OXR1: variants seen among roughly 807,000 people sequenced by gnomAD.
OXR1 encodes oxidation resistance 1, also known as oxidation resistance protein 1.
OXR1 carries 41 observed loss-of-function variants against 104.6 expected under a neutral mutation model. The ratio of observed to expected loss-of-function variants is 0.39; its 90% CI spans 0.31 to 0.51. The LOEUF (loss-of-function observed/expected upper bound fraction) is 0.51, where lower values mean the gene tolerates loss of function less well. OXR1 is among the 20% of genes least tolerant of loss of function. OXR1 has a pLI of 0.77. For missense variants in OXR1, 955 were observed against 1,031.9 expected, an observed-to-expected ratio of 0.93 and a Z score of 1.02; for synonymous variants, 348 against 348.4, an observed-to-expected ratio of 1.00 and a Z score of 0.01.
chr8:106,624,511 A>T (rs1346050671), intron 3 of OXR1, among the ~76,000 whole-genome samples: 1 of 152,156 alleles, frequency 6.6e-6, no homozygotes, highest in Non-Finnish European at 1.5e-5. Context: ...GCTTTGTTCA[A>T]GGAACAGAAC....
chr8:106,334,364 G>C (rs979995870), intron 1 of OXR1, among the ~76,000 whole-genome samples: 2 of 152,062 alleles, frequency 1.3e-5, no homozygotes, highest in Non-Finnish European at 2.9e-5. Flanking sequence ...TTCTTTGTGT[G>C]TGGAATCCTT....
At chr8:106,525,853 C>T (rs778622544) in intron 3 of OXR1, among the ~76,000 whole-genome samples, 6 of 152,220 alleles carry the variant, frequency 3.9e-5, no homozygotes, top group Non-Finnish European at 8.8e-5. Context: ...CTCACTGTAA[C>T]ACCTTCTTGT....
At chr8:106,326,309 G>A (rs893907767) in intron 1 of OXR1, among the ~76,000 whole-genome samples, 1 of 152,160 alleles carries the variant, frequency 6.6e-6, no homozygotes, top group African/African-American at 2.4e-5. Flanking sequence ...GGATACTCTG[G>A]TTAGGTAAAT....
At chr8:106,321,658 A>C (rs901016593) in intron 1 of OXR1, among the ~76,000 whole-genome samples, 1 of 152,214 alleles carries the variant, frequency 6.6e-6, no homozygotes, top group Non-Finnish European at 1.5e-5. Context: ...CTTCCCCACC[A>C]ACTAAAGGCA....
At chr8:106,651,201 G>T (rs1824541181) in intron 3 of OXR1, among the ~76,000 whole-genome samples, 1 of 152,104 alleles carries the variant, frequency 6.6e-6, no homozygotes, top group African/African-American at 2.4e-5. Context: ...TAGCAAAATG[G>T]CTTGAAACTT....
At chr8:106,332,039 TGTGA>T (rs1328597305) in intron 1 of OXR1, among the ~76,000 whole-genome samples, 1 of 148,808 alleles carries the variant, frequency 6.7e-6, no homozygotes, top group Non-Finnish European at 1.5e-5. Flanking sequence ...TGTGTGTGTG[TGTGA>T]ATGCCCTTCT....
At position 106,596,595 on chromosome 8, in the gene OXR1, G is replaced by A. The variant is rs115309041; in HGVS notation, c.220+77456G>A. On this transcript the variant is annotated intron_variant, in intron 3 of 16. Coordinates refer to ENST00000517566, the MANE Select transcript of OXR1 (RefSeq NM_001198533.2). ...CAGGTTAAGAGGGATCAAAAATAGA[G>A]GGTGTACACATTGTATTTTTAGAGA... Among the ~76,000 whole-genome samples, 447 of 152,298 alleles carry A rather than the reference G, an allele frequency of 2.9e-3. 5 individuals carry two copies. The highest frequency in any genetic ancestry group is 0.01 in the African/African-American group (434 of 41,572).
At chr8:106,669,087 C>A (rs947779853) in intron 3 of OXR1, among the ~76,000 whole-genome samples, 1 of 151,604 alleles carries the variant, frequency 6.6e-6, no homozygotes, top group Non-Finnish European at 1.5e-5. Context: ...GGAAAAGGGG[C>A]AGTAAAAAGG....
At chr8:106,588,494 CT>C (rs55837142) in intron 3 of OXR1, among the ~76,000 whole-genome samples, 164 of 144,964 alleles carry the variant, frequency 1.1e-3, no homozygotes, top group African/African-American at 1.4e-3. Flanking sequence ...TTCTCATTTA[CT>C]TTTTTTTTTT....
At chr8:106,396,165 C>G (rs1018278620) in intron 2 of OXR1, among the ~76,000 whole-genome samples, 1 of 152,002 alleles carries the variant, frequency 6.6e-6, no homozygotes, top group Non-Finnish European at 1.5e-5. Flanking sequence ...ATTCCAAATA[C>G]TATATGTAGA....
In OXR1 at chr8:106,595,587, C is replaced by T. The variant is rs1317166496; in HGVS notation, c.220+76448C>T. 1.8e-4 allele frequency among the ~76,000 whole-genome samples: 26 copies of T among 145,386 alleles called. No individual in the cohort carries two copies. In the East Asian group the frequency reaches 2.2e-3, roughly 12 times the overall value. On this transcript the variant is annotated intron_variant, in intron 3 of 16. Coordinates refer to ENST00000517566, the MANE Select transcript of OXR1 (RefSeq NM_001198533.2). ...AAAAAAAAAGAAAAGAAAAAGAAAA[C>T]GAAAGAGTGCTAGAACTGTAACTCA...
chr8:106,281,990 A>G (rs886341900), intron 1 of OXR1, among the ~76,000 whole-genome samples: 1 of 152,118 alleles, frequency 6.6e-6, no homozygotes, highest in African/African-American at 2.4e-5. Context: ...GCTATATTCT[A>G]TTTTTAAAAC....
At chr8:106,468,230 T>C (rs1224344171) in intron 2 of OXR1, among the ~76,000 whole-genome samples, 2 of 151,808 alleles carry the variant, frequency 1.3e-5, no homozygotes, top group Non-Finnish European at 2.9e-5. Flanking sequence ...TTTTAATGAG[T>C]ATAGTAAGGA....
At chr8:106,551,682 T>C (rs1175196142) in intron 3 of OXR1, among the ~76,000 whole-genome samples, 1 of 151,266 alleles carries the variant, frequency 6.6e-6, no homozygotes, top group Non-Finnish European at 1.5e-5. Flanking sequence ...GCACAATGGC[T>C]CCCACCTGTA....
chr8:106,717,627 A>G (rs888334374), intron 11 of OXR1, among the ~76,000 whole-genome samples: 2 of 152,188 alleles, frequency 1.3e-5, no homozygotes, highest in African/African-American at 4.8e-5. Flanking sequence ...TCCCTATGTA[A>G]GTGTCATAAG....
chr8:106,299,742 C>A (rs895070475), intron 1 of OXR1, among the ~76,000 whole-genome samples: 11 of 152,162 alleles, frequency 7.2e-5, no homozygotes, highest in Admixed American at 6.6e-5. Context: ...GTGTCAGGCA[C>A]CTTGCCGCAT....
At chr8:106,723,255 G>T (rs1489190873) in intron 11 of OXR1, among the ~76,000 whole-genome samples, 3 of 152,030 alleles carry the variant, frequency 2.0e-5, no homozygotes, top group Admixed American at 1.3e-4. Flanking sequence ...ACTTTGGGAG[G>T]CCGAGGCAGG....
intron 2 of OXR1, among the ~76,000 whole-genome samples, chr8:106,482,232 G>C (rs1337897521): frequency 6.6e-6 from 1 of 151,966 alleles, no homozygotes; most frequent in African/African-American, 2.4e-5. Flanking sequence ...AGTGATAGGG[G>C]CTGTGAAGGG....
intron 11 of OXR1, among the ~76,000 whole-genome samples, chr8:106,721,120 A>AT (rs1237577190): frequency 6.6e-6 from 1 of 151,912 alleles, no homozygotes; most frequent in Non-Finnish European, 1.5e-5. Context: ...CATGTTCAGT[A>AT]TGCCAGTCTT....
Sources: allele counts gnomAD v4.1 joint callset (sites outside exome capture counted in the v4.1 genomes callset), GRCh38; gene constraint gnomAD v4.1.1; transcripts MANE v1.5; gene names NCBI Gene and HGNC (gene_info 2026-07-23, HGNC 2026-07-21).